The following PTPRG variants were observed in gnomAD, a reference collection of about 807,000 sequenced individuals.
The protein encoded by PTPRG is receptor-type tyrosine-protein phosphatase gamma.
A neutral mutation model predicts 165.3 loss-of-function variants in PTPRG; 102 were observed. That is an observed-to-expected ratio of 0.62 (90% CI 0.53 to 0.73). PTPRG has a LOEUF of 0.73. PTPRG is among the 30% of genes least tolerant of loss of function. PTPRG has a pLI of 0.00. For missense variants in PTPRG, 1,866 were observed against 1,861.4 expected, an observed-to-expected ratio of 1.00 and a Z score of -0.05; for synonymous variants, 675 against 669.5, an observed-to-expected ratio of 1.01 and a Z score of -0.13.
intron 1 of PTPRG, among the ~76,000 whole-genome samples, chr3:61,710,594 A>G (rs894545349): frequency 6.6e-6 from 1 of 152,142 alleles, no homozygotes; most frequent in African/African-American, 2.4e-5. Flanking sequence ...ACTTTCTTAA[A>G]ACATTATGAG....
intron 2 of PTPRG, among the ~76,000 whole-genome samples, chr3:61,853,076 C>A (rs1050438718): frequency 1.3e-5 from 2 of 152,172 alleles, no homozygotes; most frequent in Non-Finnish European, 2.9e-5. Flanking sequence ...CCAAAGCATA[C>A]AAACATGCTT....
chr3:61,896,356 G>A (rs892732015), intron 2 of PTPRG, among the ~76,000 whole-genome samples: 6 of 151,964 alleles, frequency 3.9e-5, no homozygotes, highest in Non-Finnish European at 8.8e-5. Flanking sequence ...AATAATTCTC[G>A]GGAACTCATC....
chr3:61,805,173 T>C (rs2035374377), intron 2 of PTPRG, among the ~76,000 whole-genome samples: 1 of 152,134 alleles, frequency 6.6e-6, no homozygotes, highest in African/African-American at 2.4e-5. Context: ...TGGGGCTATT[T>C]TACTCCAGAA....
At chr3:61,920,798 G>A (rs2039059096) in intron 2 of PTPRG, among the ~76,000 whole-genome samples, 1 of 152,092 alleles carries the variant, frequency 6.6e-6, no homozygotes, top group Non-Finnish European at 1.5e-5. Context: ...TCATATTTTA[G>A]CATTTTTTAA....
chr3:61,602,399 G>T (rs774108893), intron 1 of PTPRG, among the ~76,000 whole-genome samples: 3 of 152,042 alleles, frequency 2.0e-5, no homozygotes, highest in Non-Finnish European at 4.4e-5. Context: ...GCATCCTCAC[G>T]GTGGGACCAG....
chr3:61,965,391 G>A (rs1399629353), intron 2 of PTPRG, among the ~76,000 whole-genome samples: 1 of 151,622 alleles, frequency 6.6e-6, no homozygotes, highest in East Asian at 1.9e-4. Context: ...GGGAGCCTGA[G>A]GCAGGAGAAT....
chr3:62,051,321 A>G (rs1442770808), intron 4 of PTPRG, among the ~76,000 whole-genome samples: 1 of 152,202 alleles, frequency 6.6e-6, no homozygotes, highest in Non-Finnish European at 1.5e-5. Flanking sequence ...CTGCCCTGGA[A>G]CACTGGATCA....
At chr3:61,905,948 T>C (rs1008379787) in intron 2 of PTPRG, among the ~76,000 whole-genome samples, 2 of 152,260 alleles carry the variant, frequency 1.3e-5, no homozygotes, top group Non-Finnish European at 2.9e-5. Flanking sequence ...TAGGAGAAAA[T>C]ATTCTCTTAT....
chr3:62,186,135 G>A (rs1705873494), intron 8 of PTPRG, among the ~76,000 whole-genome samples: 2 of 152,078 alleles, frequency 1.3e-5, no homozygotes, highest in Admixed American at 1.3e-4. Context: ...TGCCCCAGTC[G>A]CCAAGCATCG....
At chr3:61,621,553 G>T (rs1180414179) in intron 1 of PTPRG, among the ~76,000 whole-genome samples, 4 of 151,770 alleles carry the variant, frequency 2.6e-5, no homozygotes, top group Admixed American at 6.6e-5. Flanking sequence ...TGTTTTTTTC[G>T]CTTCCTCCCT....
rs1182598412 is a variant in PTPRG at position 61,835,705 on chromosome 3, C to T, written c.190+86723C>T. ...AAGTGTCACATCAGTGGTTCTTAAA[C>T]CAACCTTTTTATCAGGATCACTTTG... On this transcript the variant is annotated intron_variant, in intron 2 of 29. Transcript: ENST00000474889. Among the ~76,000 whole-genome samples the T allele has an allele frequency of 3.9e-5, 6 of 152,080 alleles. No homozygotes were observed. The South Asian group carries it at 6.2e-4, about 16-fold the overall frequency.
intron 8 of PTPRG, among the ~76,000 whole-genome samples, chr3:62,168,696 A>C (rs1705094897): frequency 6.6e-6 from 1 of 152,154 alleles, no homozygotes; most frequent in African/African-American, 2.4e-5. Context: ...GGGCTCTGGC[A>C]CTAGGGTTAT....
chr3:62,157,698 C>G (rs1704591939), intron 7 of PTPRG, among the ~76,000 whole-genome samples: 1 of 152,146 alleles, frequency 6.6e-6, no homozygotes, highest in African/African-American at 2.4e-5. Flanking sequence ...GGTTATTTGC[C>G]CACAATCACA....
chr3:62,269,934 T>C (rs1702006286), intron 20 of PTPRG, among the ~76,000 whole-genome samples: 1 of 152,020 alleles, frequency 6.6e-6, no homozygotes, highest in South Asian at 2.1e-4. Context: ...ATGATAAAAT[T>C]TAATTTATCA....
At chr3:61,703,919 A>G (rs2031112857) in intron 1 of PTPRG, among the ~76,000 whole-genome samples, 3 of 152,192 alleles carry the variant, frequency 2.0e-5, no homozygotes, top group Admixed American at 1.3e-4. Flanking sequence ...TCCATGGTCT[A>G]CCTGCAACAA....
At chr3:62,006,675 G>T (rs2041304919) in intron 4 of PTPRG, among the ~76,000 whole-genome samples, 1 of 152,130 alleles carries the variant, frequency 6.6e-6, no homozygotes, top group Admixed American at 6.5e-5. Flanking sequence ...GTTCTGAGCT[G>T]GGGTCAGCAT....
At chr3:62,184,577 T>A (rs950052243) in intron 8 of PTPRG, among the ~76,000 whole-genome samples, 1 of 152,236 alleles carries the variant, frequency 6.6e-6, no homozygotes, top group African/African-American at 2.4e-5. Flanking sequence ...CTCTTCCACC[T>A]GACTGGTTCC....
At chr3:62,138,351 A>G (rs1229670614) in intron 6 of PTPRG, among the ~76,000 whole-genome samples, 1 of 152,216 alleles carries the variant, frequency 6.6e-6, no homozygotes, top group Non-Finnish European at 1.5e-5. Flanking sequence ...GCAAATATGA[A>G]CAGTGCAAAA....
At chr3:61,910,686 A>G (rs962262919) in intron 2 of PTPRG, among the ~76,000 whole-genome samples, 4 of 152,032 alleles carry the variant, frequency 2.6e-5, no homozygotes, top group African/African-American at 9.7e-5. Context: ...TCCTCCTAGA[A>G]TTTCTTTTTG....
Sources: gnomAD v4.1 joint callset for allele counts (sites outside exome capture counted in the v4.1 genomes callset) on GRCh38, gnomAD v4.1.1 for gene constraint, MANE v1.5 for transcripts, NCBI Gene and HGNC (gene_info 2026-07-23, HGNC 2026-07-21) for gene names.